Variants in PATJ observed in about 807,000 individuals in gnomAD.
PATJ encodes the protein PATJ crumbs cell polarity complex component.
In PATJ, 190 loss-of-function variants were observed where a neutral mutation model predicts 224.9. The observed-to-expected ratio is 0.84, with a 90% confidence interval of 0.75 to 0.95. PATJ has a LOEUF of 0.95. Ranked by LOEUF, PATJ falls within the 40% of genes least tolerant of loss-of-function variation. PATJ has a pLI of 0.00. For synonymous variants in PATJ, 769 were observed against 820.3 expected (o/e 0.94, Z 1.07); for missense variants, 2,121 against 2,270.3 (o/e 0.93, Z 1.34).
intron 27 of PATJ, among the ~76,000 whole-genome samples, chr1:61,940,904 C>A (rs1254133021): frequency 2.0e-5 from 3 of 152,004 alleles, no homozygotes; most frequent in Non-Finnish European, 4.4e-5. Flanking sequence ...CTCTGCTCAC[C>A]TTTGCATCTT....
At chr1:62,107,334 C>G (rs1179559904) in intron 33 of PATJ, among the ~76,000 whole-genome samples, 2 of 151,814 alleles carry the variant, frequency 1.3e-5, no homozygotes, top group African/African-American at 4.8e-5. Context: ...AGCTGTGTCC[C>G]TCTCTCAGCA....
chr1:61,771,865 G>A lies in PATJ; in HGVS notation c.720+239G>A, dbSNP rs183631677. Among the ~76,000 whole-genome samples, 12 of 151,734 alleles carry A rather than the reference G, an allele frequency of 7.9e-5. No homozygotes were observed. The East Asian group carries it at 1.7e-3, about 22-fold the overall frequency. The stretch of plus-strand genomic sequence containing the variant: ...CTCCCGAGTAGCTGGGACTACAGGC[G>A]CCCACCATCACACTTGGCTATTTCT... On this transcript the variant is annotated intron_variant, in intron 6 of 43. Coordinates refer to ENST00000642238, the MANE Select transcript of PATJ (RefSeq NM_001350145.3).
intron 42 of PATJ, among the ~76,000 whole-genome samples, chr1:62,150,157 A>C (rs1668473913): frequency 6.6e-6 from 1 of 152,200 alleles, no homozygotes; most frequent in African/African-American, 2.4e-5. Flanking sequence ...TTGTAAGGCC[A>C]CAAAGTGGGG....
intron 27 of PATJ, among the ~76,000 whole-genome samples, chr1:61,976,913 C>T (rs1644166443): frequency 6.6e-6 from 1 of 152,098 alleles, no homozygotes; most frequent in South Asian, 2.1e-4. Flanking sequence ...TTTATTCATA[C>T]ACATGCATCT....
intron 14 of PATJ, among the ~76,000 whole-genome samples, chr1:61,811,380 C>T: frequency 6.6e-6 from 1 of 151,902 alleles, no homozygotes; most frequent in African/African-American, 2.4e-5. Context: ...AGGTGCCCAC[C>T]ACCACGCCTG....
chr1:61,770,885 G>T (rs1250064505), intron 5 of PATJ, among the ~76,000 whole-genome samples: 1 of 150,718 alleles, frequency 6.6e-6, no homozygotes, highest in East Asian at 1.9e-4. Flanking sequence ...ACTCCAGCCT[G>T]GGCAAATAGG....
chr1:61,838,695 C>T (rs951101690), intron 17 of PATJ, among the ~76,000 whole-genome samples: 2 of 152,150 alleles, frequency 1.3e-5, no homozygotes, highest in East Asian at 1.9e-4. Context: ...TTCTAAGCAA[C>T]AAAACTCTTC....
chr1:62,016,114 C>T (rs564344716), intron 28 of PATJ, among the ~76,000 whole-genome samples: 20 of 152,122 alleles, frequency 1.3e-4, no homozygotes, highest in Admixed American at 3.3e-4. Context: ...TGGTGCAGAA[C>T]GAAAGCTGAT....
rs1363347998 is a variant in PATJ, at chr1:61,795,559, G to A, written c.1260+1G>A. 1 of 1,580,298 alleles carries A rather than the reference G, an allele frequency of 6.3e-7. No homozygotes were observed. Among genetic ancestry groups the A allele is most frequent in the South Asian group, 1.1e-5 (1 of 89,710 alleles). ...TCAAGTGAATGACAAAATAGTTGCT[G>A]TAAGTAACTCGCCTCTGTTTTAGGT... On this transcript the variant is annotated splice_donor_variant, in intron 10 of 43. Transcript: ENST00000642238. LOFTEE classifies it high-confidence loss of function.
At chr1:61,912,852 T>C (rs1672892388) in intron 25 of PATJ, among the ~76,000 whole-genome samples, 1 of 152,156 alleles carries the variant, frequency 6.6e-6, no homozygotes, top group African/African-American at 2.4e-5. Context: ...GTTTCTGACT[T>C]GTCAGGGAGG....
intron 28 of PATJ, among the ~76,000 whole-genome samples, chr1:62,011,678 T>TA (rs1416734399): frequency 1.3e-5 from 2 of 150,010 alleles, no homozygotes; most frequent in Non-Finnish European, 2.9e-5. Flanking sequence ...ATGGTGCCAG[T>TA]AGACTTGCTC....
intron 1 of PATJ, among the ~76,000 whole-genome samples, chr1:61,749,671 C>T (rs1055654160): frequency 4.0e-5 from 6 of 150,632 alleles, no homozygotes; most frequent in African/African-American, 7.3e-5. Context: ...CACCCCTCAC[C>T]GCAGCCTGGT....
intron 41 of PATJ, among the ~76,000 whole-genome samples, chr1:62,136,563 C>T (rs1302229255): frequency 6.6e-6 from 1 of 150,608 alleles, no homozygotes; most frequent in Non-Finnish European, 1.5e-5. Context: ...CTTAACTTTA[C>T]AGCCTTCCTG....
rs1663657412 is a variant in PATJ at position 61,856,311 on chromosome 1, C to T, written c.2322+72C>T. On this transcript the variant is annotated intron_variant, in intron 18 of 43. Transcript: ENST00000642238. ...GTTAAAAACATGGATTTTGGAGACA[C>T]ATATACCTGGCCAAGAATTTCTGTT... The T allele has an allele frequency of 3.2e-6, 4 of 1,249,224 alleles. No individual in the cohort carries two copies. The African/African-American group carries it at 4.4e-5, about 14-fold the overall frequency. 77.4% of individuals were successfully genotyped at this position (1,249,224 alleles called of 1,614,324 possible). A position where few individuals can be genotyped will look rare whatever the true frequency, so the allele number is the denominator to read the frequency against.
intron 14 of PATJ, among the ~76,000 whole-genome samples, chr1:61,813,730 G>A (rs1655446059): frequency 6.6e-6 from 1 of 152,038 alleles, no homozygotes; most frequent in South Asian, 2.1e-4. Flanking sequence ...AGGAGTGGGG[G>A]TTTATTTGCA....
chr1:61,930,725 G>C (rs893702594), intron 27 of PATJ, among the ~76,000 whole-genome samples: 2 of 151,484 alleles, frequency 1.3e-5, no homozygotes, highest in African/African-American at 4.9e-5. Context: ...TTCTTTTTTT[G>C]AGATGGAGTT....
chr1:61,833,495 C>A, intron 16 of PATJ, 159 bp from the exon 17 acceptor site: 1 of 590,224 alleles, frequency 1.7e-6, no homozygotes, highest in African/African-American at 1.9e-5. Context: ...AGTGTGTGTG[C>A]CCCAGAGCAT....
At chr1:61,871,157 A>G (rs1473679485) in intron 20 of PATJ, among the ~76,000 whole-genome samples, 1 of 146,288 alleles carries the variant, frequency 6.8e-6, no homozygotes, top group South Asian at 2.1e-4. Flanking sequence ...TAGAAAAAAA[A>G]ACTTCTCTAT....
At chr1:61,876,868 G>A (rs1667399814) in intron 21 of PATJ, among the ~76,000 whole-genome samples, 2 of 152,108 alleles carry the variant, frequency 1.3e-5, no homozygotes, top group Admixed American at 1.3e-4. Flanking sequence ...CCAAAATTGT[G>A]TATCTTTGAA....
Sources: allele counts gnomAD v4.1 joint callset (sites outside exome capture counted in the v4.1 genomes callset), GRCh38; gene constraint gnomAD v4.1.1; transcripts MANE v1.5; gene names NCBI Gene and HGNC (gene_info 2026-07-23, HGNC 2026-07-21).